The following GALM variants were observed in gnomAD, a reference collection of about 807,000 sequenced individuals.
GALM encodes aldose 1-epimerase.
A neutral mutation model predicts 37.4 loss-of-function variants in GALM; 43 were observed. The observed-to-expected ratio is 1.15, with a 90% CI of 0.90 to 1.48. GALM has a LOEUF of 1.48. GALM is among the 40% of genes most tolerant of loss of function. GALM has a pLI of 0.00. For missense variants in GALM, 456 were observed against 419.1 expected, an observed-to-expected ratio of 1.09 and a Z score of -0.77; for synonymous variants, 199 against 170.6, an observed-to-expected ratio of 1.17 and a Z score of -1.30.
At chr2:38,674,619 C>G (rs535989327) in intron 1 of GALM, among the ~76,000 whole-genome samples, 17 of 152,276 alleles carry the variant, frequency 1.1e-4, no homozygotes, top group African/African-American at 4.1e-4. Flanking sequence ...CAAACCTACT[C>G]TATATCCTTG....
intron 3 of GALM, among the ~76,000 whole-genome samples, chr2:38,682,968 G>A (rs1665434092): frequency 6.6e-6 from 1 of 151,552 alleles, no homozygotes; most frequent in South Asian, 2.1e-4. Flanking sequence ...GACCTAAGAG[G>A]ATCTACTTCT....
Position 38,729,659 on chromosome 2 carries a change from C to G in GALM, c.738C>G (p.Phe246Leu), listed in dbSNP as rs1666558494. The change falls in exon 5 of 7, where the codon TTC becomes TTG. Residue 246 changes from phenylalanine to leucine, a missense_variant. Coordinates refer to ENST00000272252, the MANE Select transcript of GALM (RefSeq NM_138801.3). Reference sequence around the variant, plus strand: ...ATCTCAATGGTTTTGACCACAATTTCTGTCTGAAGGGATCTAAAGAAAAGC... The same window carrying G: ...ATCTCAATGGTTTTGACCACAATTTGTGTCTGAAGGGATCTAAAGAAAAGC... ...DFHLNGFDHN[F>L]CLKGSKEKHF... The G allele has an allele frequency of 1.9e-6, 3 of 1,613,482 alleles. No homozygotes were observed. In the African/African-American group the frequency reaches 4.0e-5, roughly 22 times the overall value.
intron 3 of GALM, among the ~76,000 whole-genome samples, chr2:38,686,456 G>A (rs527501805): frequency 2.0e-5 from 3 of 151,802 alleles, no homozygotes; most frequent in East Asian, 2.0e-4. Context: ...TAGTAGAGAT[G>A]GGGTTTCACC....
intron 4 of GALM, among the ~76,000 whole-genome samples, chr2:38,725,498 T>G (rs1011276587): frequency 6.6e-6 from 1 of 151,650 alleles, no homozygotes; most frequent in African/African-American, 2.4e-5. Context: ...ATCATGCCAC[T>G]GCACTACAGC....
intron 4 of GALM, among the ~76,000 whole-genome samples, chr2:38,701,797 G>A (rs371122691): frequency 8.7e-4 from 133 of 152,272 alleles, no homozygotes; most frequent in African/African-American, 2.7e-3. Context: ...TGTTGCAAAC[G>A]AAGGCTGTTT....
At position 38,686,258 on chromosome 2, in the gene GALM, T is replaced by C. The variant is rs141200672; in HGVS notation, c.553-3555T>C. ...TTTCTTTCTTTCTTTCTTTCTTTCT[T>C]TCTTTCTTTCTTTCTTTCTTATTTT... On this transcript the variant is annotated intron_variant, in intron 3 of 6. Coordinates refer to ENST00000272252, the MANE Select transcript of GALM (RefSeq NM_138801.3). 4.5e-3 allele frequency among the ~76,000 whole-genome samples: 448 copies of C among 100,062 alleles called. 14 individuals are homozygous for C. The highest frequency in any genetic ancestry group is 6.9e-3 in the Non-Finnish European group (340 of 49,518). The allele number at this position is 100,062 out of a possible 152,430, so 65.6% of individuals were successfully genotyped here.
intron 4 of GALM, among the ~76,000 whole-genome samples, chr2:38,719,199 C>T (rs1036540625): frequency 2.0e-5 from 3 of 151,934 alleles, no homozygotes; most frequent in Non-Finnish European, 2.9e-5. Context: ...TGGCTGGGCG[C>T]GGTGGCTCAT....
chr2:38,666,169 CG>C lies in GALM; in HGVS notation c.10del (p.Val4Ter), dbSNP rs755263206. 6 of 1,610,964 alleles carry C rather than the reference CG, an allele frequency of 3.7e-6. No individual in the cohort carries two copies. Among genetic ancestry groups the C allele is most frequent in the Non-Finnish European group, 4.2e-6 (5 of 1,178,348 alleles). MA[S>X]VTRAVFGELP... ...ACACGCCAAACTTTCCCTATGGCTT[CG>C]GTGACCAGGGCCGTGTTTGGAGAGC... is the stretch of plus-strand genomic sequence containing the variant. On this transcript the variant is annotated frameshift_variant, in exon 1 of 7. Transcript: ENST00000272252. LOFTEE classifies it high-confidence loss of function.
At position 38,681,250 on chromosome 2, in the gene GALM, C is replaced by A. The variant is rs774286905; in HGVS notation, c.346-30C>A. 4.4e-6 allele frequency: 7 copies of A among 1,574,364 alleles called. No homozygotes were observed. The Admixed American group carries it at 1.0e-4, about 23-fold the overall frequency. ...GGCATTTAGCTTGAGGATGGAGCAA[C>A]TACACAACTTTGAAAACACTTTTTT... On this transcript the variant is annotated intron_variant, in intron 2 of 6. Coordinates refer to ENST00000272252, the MANE Select transcript of GALM (RefSeq NM_138801.3).
intron 4 of GALM, chr2:38,698,486 T>A: frequency 1.1e-6 from 1 of 928,276 alleles, no homozygotes; most frequent in Non-Finnish European, 1.5e-6. Flanking sequence ...TAGCTCTGCG[T>A]CTTCAGAGCA....
intron 1 of GALM, among the ~76,000 whole-genome samples, chr2:38,673,005 G>A (rs949473575): frequency 1.3e-5 from 2 of 152,060 alleles, no homozygotes; most frequent in African/African-American, 2.4e-5. Context: ...GCAAAACTCC[G>A]TCTCAAAAAA....
chr2:38,715,047 G>C (rs1395910802), intron 4 of GALM, among the ~76,000 whole-genome samples: 3 of 152,220 alleles, frequency 2.0e-5, no homozygotes, highest in Admixed American at 6.5e-5. Context: ...CTTCAGGGTT[G>C]GGTGAATACA....
chr2:38,685,264 G>A (rs749775577), intron 3 of GALM, among the ~76,000 whole-genome samples: 15 of 152,156 alleles, frequency 9.9e-5, no homozygotes, highest in African/African-American at 1.9e-4. Context: ...GAAATGGAGC[G>A]GGGGTGGGTC....
At chr2:38,675,851 G>A (rs939623194) in intron 1 of GALM, 61 bp from the exon 2 acceptor site, 2 of 1,536,048 alleles carry the variant, frequency 1.3e-6, no homozygotes, top group African/African-American at 2.7e-5. Context: ...TTACAGGTGT[G>A]AGCCACCGTG....
intron 4 of GALM, among the ~76,000 whole-genome samples, chr2:38,713,226 C>T (rs575312202): frequency 3.3e-5 from 5 of 152,262 alleles, no homozygotes; most frequent in Non-Finnish European, 5.9e-5. Flanking sequence ...ATTCTTCCAC[C>T]CCAATATGTT....
At chr2:38,673,710 T>C (rs1025251770) in intron 1 of GALM, among the ~76,000 whole-genome samples, 4 of 150,366 alleles carry the variant, frequency 2.7e-5, no homozygotes, top group African/African-American at 7.4e-5. Context: ...CTCGGGAGGC[T>C]GAGGCAGGAG....
At chr2:38,680,177 C>A in intron 2 of GALM, 1 of 347,946 alleles carries the variant, frequency 2.9e-6, no homozygotes, top group Non-Finnish European at 5.4e-6. Flanking sequence ...CACCACCATA[C>A]CTCGCTAATT....
At chr2:38,697,669 G>A (rs1303441652) in intron 4 of GALM, among the ~76,000 whole-genome samples, 1 of 152,068 alleles carries the variant, frequency 6.6e-6, no homozygotes, top group Non-Finnish European at 1.5e-5. Context: ...CAGTAAAAGG[G>A]GACCTTCCCC....
At chr2:38,732,518 C>T (rs938728175) in intron 6 of GALM, among the ~76,000 whole-genome samples, 2 of 152,196 alleles carry the variant, frequency 1.3e-5, no homozygotes, top group Non-Finnish European at 2.9e-5. Flanking sequence ...TCTGCAGCCA[C>T]ACTTAAGGAG....
Sources: allele counts gnomAD v4.1 joint callset (sites outside exome capture counted in the v4.1 genomes callset), GRCh38; gene constraint gnomAD v4.1.1; transcripts MANE v1.5; gene names NCBI Gene and HGNC (gene_info 2026-07-23, HGNC 2026-07-21).